Variants in TSTD2 observed in about 807,000 individuals in gnomAD.
The protein encoded by TSTD2 is thiosulfate sulfurtransferase/rhodanese-like domain-containing protein 2.
In TSTD2, 37 loss-of-function variants were observed where a neutral mutation model predicts 47.9. That is an observed-to-expected ratio of 0.77 (90% confidence interval 0.59 to 1.02). The LOEUF is 1.02. Ranked by LOEUF, TSTD2 falls within the 50% of genes least tolerant of loss-of-function variation. TSTD2 has a pLI of 0.00. For missense variants in TSTD2, 586 were observed against 616.0 expected (o/e 0.95, Z 0.52); for synonymous variants, 201 against 215.9 (o/e 0.93, Z 0.61).
intron 4 of TSTD2, among the ~76,000 whole-genome samples, chr9:97,616,298 AC>A (rs1159643090): frequency 1.3e-5 from 2 of 152,226 alleles, no homozygotes; most frequent in African/African-American, 4.8e-5. Flanking sequence ...GGGCCAACTC[AC>A]GCAGGAACCT....
intron 1 of TSTD2, among the ~76,000 whole-genome samples, chr9:97,627,937 T>G (rs1826749100): frequency 6.6e-6 from 1 of 152,084 alleles, no homozygotes. Flanking sequence ...ATCAGCAGGG[T>G]AGGGAGGCAG....
In TSTD2 at chr9:97,602,438, C is replaced by G; in HGVS notation, c.*31G>C. 6.4e-7 allele frequency: 1 copy of G among 1,552,806 alleles called. No individual in the cohort carries two copies. The highest frequency in any genetic ancestry group is 8.7e-7 in the Non-Finnish European group (1 of 1,147,166). On this transcript the variant is annotated 3_prime_UTR_variant, in exon 10 of 10. Transcript: ENST00000341170. ...ATAGTCACCCCAAACCTACTTTTACCGAGGGCCTGGGAAAATGCCAAAGGT... is the reference window on the plus strand; with the variant it reads ...ATAGTCACCCCAAACCTACTTTTACGGAGGGCCTGGGAAAATGCCAAAGGT...
intron 6 of TSTD2, among the ~76,000 whole-genome samples, chr9:97,606,569 C>G (rs1405243978): frequency 6.6e-6 from 1 of 152,166 alleles, no homozygotes; most frequent in Non-Finnish European, 1.5e-5. Flanking sequence ...GTGATAAAAA[C>G]CAGGCAACTG....
At chr9:97,608,622 C>T (rs1398018263) in intron 6 of TSTD2, among the ~76,000 whole-genome samples, 2 of 152,154 alleles carry the variant, frequency 1.3e-5, no homozygotes, top group Non-Finnish European at 2.9e-5. Flanking sequence ...GGCAACAGAG[C>T]AAGACTGTCT....
In TSTD2 at chr9:97,611,638, A is replaced by G. The variant is rs761413063; in HGVS notation, c.665T>C (p.Leu222Pro). The part of the protein sequence containing the change: ...TVGGSKLATR[L>P]YVEVMLSFPL... ...GAAGGAAAGCATGACTTCCACATAA[A>G]GTCTGGTAGCCAATTTGCTTCCACC... is the stretch of plus-strand genomic sequence containing the variant. The change falls in exon 5 of 10, where the codon CTT (leucine) becomes CCT (proline). Residue 222 changes from leucine to proline, a missense_variant. Leu to Pro is a moderately conservative substitution (Grantham distance 98, BLOSUM62 -3). Coordinates refer to ENST00000341170, the MANE Select transcript of TSTD2 (RefSeq NM_139246.5). 6.2e-7 allele frequency: 1 copy of G among 1,611,126 alleles called. No homozygotes were observed. Among genetic ancestry groups the G allele is most frequent in the South Asian group, 1.1e-5 (1 of 91,018 alleles).
In TSTD2 at chr9:97,602,690, A is replaced by G. The variant is rs763739731; in HGVS notation, c.1330T>C (p.Cys444Arg). The G allele has an allele frequency of 6.2e-7, 1 of 1,614,232 alleles. No individual in the cohort carries two copies. Among genetic ancestry groups the G allele is most frequent in the Middle Eastern group, 1.6e-4 (1 of 6,062 alleles). Residue 444 changes from cysteine to arginine, a missense_variant, in exon 10 of 10, where the codon TGC (cysteine) becomes CGC (arginine). Cys to Arg is a radical substitution (Grantham distance 180). Coordinates refer to ENST00000341170, the MANE Select transcript of TSTD2 (RefSeq NM_139246.5). ...TPQCRQLVLT[C>R]PACQGQGFTA... Reference sequence around the variant, plus strand: ...AATCCTTGTCCTTGACAGGCAGGGCAGGTCAAAACGAGCTGGCGGCACTGG... The same window carrying G: ...AATCCTTGTCCTTGACAGGCAGGGCGGGTCAAAACGAGCTGGCGGCACTGG...
rs146667454 is a variant in TSTD2 at position 97,605,209 on chromosome 9, A to C, written c.1113+274T>G. Among the ~76,000 whole-genome samples, 16 of 152,358 alleles carry C rather than the reference A, an allele frequency of 1.1e-4. No individual in the cohort carries two copies. The East Asian group carries it at 3.1e-3, about 29-fold the overall frequency. ...ACTGAATTTGCTCTTCTCAGGATCA[A>C]GCAAAAGGATCAGGAAAAGGGAGAT... On this transcript the variant is annotated intron_variant, in intron 8 of 9. Coordinates refer to ENST00000341170, the MANE Select transcript of TSTD2 (RefSeq NM_139246.5).
chr9:97,615,315 G>A (rs1192640820), intron 4 of TSTD2, among the ~76,000 whole-genome samples: 2 of 152,204 alleles, frequency 1.3e-5, no homozygotes, highest in African/African-American at 4.8e-5. Flanking sequence ...ATCCTGAAAG[G>A]CAGATATCAT....
At chr9:97,618,989 G>A (rs750755584) in intron 3 of TSTD2, among the ~76,000 whole-genome samples, 2 of 152,026 alleles carry the variant, frequency 1.3e-5, no homozygotes, top group African/African-American at 2.4e-5. Context: ...TGTCTTTTTC[G>A]TTGTTTTTCT....
chr9:97,628,805 C>T (rs1433219005), intron 1 of TSTD2, among the ~76,000 whole-genome samples: 1 of 152,174 alleles, frequency 6.6e-6, no homozygotes. Flanking sequence ...GACCAAACCA[C>T]TGTATTGTGA....
At chr9:97,602,854 C>A in intron 9 of TSTD2, 87 bp from the exon 10 acceptor site, 6 of 1,380,730 alleles carry the variant, frequency 4.3e-6, no homozygotes, top group Non-Finnish European at 5.9e-6. Context: ...ACTAGAATCT[C>A]GTAGATCCTG....
intron 3 of TSTD2, 151 bp from the exon 4 acceptor site, chr9:97,618,028 G>A: frequency 9.5e-7 from 1 of 1,057,898 alleles, no homozygotes; most frequent in Admixed American, 3.2e-5. Flanking sequence ...CTCCTGAAAT[G>A]AGAAGCAACT....
intron 9 of TSTD2, chr9:97,604,203 G>C (rs1826325256): frequency 6.6e-6 from 1 of 152,538 alleles, no homozygotes; most frequent in Admixed American, 6.5e-5. Flanking sequence ...TGAGATATCT[G>C]AGGCAACTAG....
intron 1 of TSTD2, among the ~76,000 whole-genome samples, chr9:97,631,409 C>T (rs1162847031): frequency 6.6e-6 from 1 of 152,136 alleles, no homozygotes; most frequent in Non-Finnish European, 1.5e-5. Flanking sequence ...GGGTGAGCCA[C>T]CATGCCTGGC....
chr9:97,628,541 ATAT>A (rs1438370981), intron 1 of TSTD2, among the ~76,000 whole-genome samples: 4 of 152,184 alleles, frequency 2.6e-5, no homozygotes, highest in Non-Finnish European at 5.9e-5. Context: ...ATGAATGGTA[ATAT>A]TATTAATATT....
chr9:97,622,168 C>T (rs928790514), intron 3 of TSTD2, among the ~76,000 whole-genome samples: 4 of 152,210 alleles, frequency 2.6e-5, no homozygotes, highest in Admixed American at 2.0e-4. Context: ...ATGGGCCAAA[C>T]CCAGGGTCCC....
chr9:97,602,304 G>GT lies in TSTD2; in HGVS notation c.*164dup. On this transcript the variant is annotated 3_prime_UTR_variant, in exon 10 of 10. Coordinates refer to ENST00000341170, the MANE Select transcript of TSTD2 (RefSeq NM_139246.5). ...ATGTCTCAGGTAAGTGGTAGACAAC[G>GT]TGACTCCTCCCCTCCCGCTGTGAAG... The GT allele has an allele frequency of 1.3e-6, 1 of 765,956 alleles. No homozygotes were observed. Among genetic ancestry groups the GT allele is most frequent in the Non-Finnish European group, 2.0e-6 (1 of 492,786 alleles). 47.4% of individuals were successfully genotyped at this position (765,956 alleles called of 1,614,324 possible). A position where few individuals can be genotyped will look rare whatever the true frequency, so the allele number is the denominator to read the frequency against.
chr9:97,605,407 G>T, intron 8 of TSTD2, 76 bp downstream of exon 8: 1 of 1,577,086 alleles, frequency 6.3e-7, no homozygotes, highest in South Asian at 1.1e-5. Flanking sequence ...GGGGGCAGCG[G>T]ACAGCTCCAC....
chr9:97,626,902 A>G (rs1826730638), intron 2 of TSTD2, among the ~76,000 whole-genome samples: 1 of 143,114 alleles, frequency 7.0e-6, no homozygotes, highest in South Asian at 2.2e-4. Context: ...GTCCAAATAA[A>G]AGGCAAAAGA....
Sources: allele counts gnomAD v4.1 joint callset (sites outside exome capture counted in the v4.1 genomes callset), GRCh38; gene constraint gnomAD v4.1.1; transcripts MANE v1.5; gene names NCBI Gene and HGNC (gene_info 2026-07-23, HGNC 2026-07-21).